Variants in AFF2 observed in about 807,000 individuals in gnomAD.
The protein encoded by AFF2 is ALF transcription elongation factor 2, also known as AF4/FMR2 family member 2.
In AFF2, 14 loss-of-function variants were observed where a neutral mutation model predicts 76.9. That is an observed-to-expected ratio of 0.18 (90% CI 0.12 to 0.28). The LOEUF is 0.28. Among genes scored for constraint, AFF2 ranks in the 10% least tolerant of loss-of-function variants. The pLI is 1.00. For synonymous variants in AFF2, 398 were observed against 366.7 expected, an observed-to-expected ratio of 1.09 and a Z score of -0.98; for missense variants, 868 against 1,001.1, an observed-to-expected ratio of 0.87 and a Z score of 1.79.
At chrX:148,725,832 C>T (rs1377631926) in intron 3 of AFF2, among the ~76,000 whole-genome samples, 1 of 112,295 alleles carries the variant, frequency 8.9e-6, no homozygotes, top group African/African-American at 3.2e-5. Context: ...CTTTAGTTTG[C>T]AGTCCTGGCT....
intron 3 of AFF2, among the ~76,000 whole-genome samples, chrX:148,698,839 A>G (rs1250903236): frequency 3.4e-5 from 3 of 88,647 alleles, no homozygotes; most frequent in Non-Finnish European, 6.5e-5. Context: ...GTTAGCCTAG[A>G]TTCTATACTT....
chrX:148,824,721 A>G lies in AFF2; in HGVS notation c.1087-12926A>G, dbSNP rs188538943. 3.9e-3 allele frequency among the ~76,000 whole-genome samples: 432 copies of G among 111,649 alleles called. 2 individuals carry two copies. Among genetic ancestry groups the G allele is most frequent in the African/African-American group, 0.013 (392 of 30,617 alleles). ...CACTTGCCATTGGGTTGCGTGTGGC[A>G]TGAGTAAGGGCAGTGGTTTCAAAAC... On this transcript the variant is annotated intron_variant, in intron 4 of 20. Transcript: ENST00000370460.
At chrX:148,833,126 C>T (rs1281710413) in intron 4 of AFF2, among the ~76,000 whole-genome samples, 1 of 111,332 alleles carries the variant, frequency 9.0e-6, no homozygotes, top group African/African-American at 3.3e-5. Context: ...CACATAAACA[C>T]ACATGTGTGT....
chrX:148,759,165 A>G (rs2069410996), intron 3 of AFF2, among the ~76,000 whole-genome samples: 1 of 111,947 alleles, frequency 8.9e-6, no homozygotes, highest in African/African-American at 3.2e-5. Context: ...TGGTCATTCT[A>G]TTTTGCTTTG....
intron 1 of AFF2, among the ~76,000 whole-genome samples, chrX:148,604,666 G>A (rs981840110): frequency 1.8e-5 from 2 of 112,539 alleles, no homozygotes. Flanking sequence ...ATTAGAGAGA[G>A]ATTCATTTCA....
intron 12 of AFF2, among the ~76,000 whole-genome samples, chrX:148,962,107 C>T (rs1214584605): frequency 1.8e-5 from 2 of 112,764 alleles, no homozygotes; most frequent in Non-Finnish European, 3.7e-5. Context: ...TACATCAGTA[C>T]TTCAGTATAA....
At chrX:148,970,855 C>G (rs2072241558) in intron 15 of AFF2, among the ~76,000 whole-genome samples, 1 of 111,733 alleles carries the variant, frequency 8.9e-6, no homozygotes, top group African/African-American at 3.3e-5. Context: ...AGTTCTAAAG[C>G]AAAAATGTAT....
At chrX:148,961,514 C>CACA (rs1371956738) in intron 12 of AFF2, among the ~76,000 whole-genome samples, 1 of 111,815 alleles carries the variant, frequency 8.9e-6, no homozygotes, top group Non-Finnish European at 1.9e-5. Flanking sequence ...AGTTTCGCTA[C>CACA]ACAACAAAAA....
Position 148,501,064 on chromosome X carries a change from A to G in AFF2, c.-34A>G, listed in dbSNP as rs1208921443. 8.4e-7 allele frequency: 1 copy of G among 1,192,364 alleles called. No homozygotes were observed. Among genetic ancestry groups the G allele is most frequent in the Non-Finnish European group, 1.1e-6 (1 of 888,570 alleles). ...CCGCGCCGACCCGCTGCGATCAGGGACAGGCGCCCGCCCGCCGCCGCCGCC... is the reference window on the plus strand; with the variant it reads ...CCGCGCCGACCCGCTGCGATCAGGGGCAGGCGCCCGCCCGCCGCCGCCGCC... On this transcript the variant is annotated 5_prime_UTR_variant, in exon 1 of 21. Transcript: ENST00000370460.
intron 1 of AFF2, among the ~76,000 whole-genome samples, chrX:148,537,859 C>T (rs1169542432): frequency 8.9e-6 from 1 of 111,858 alleles, no homozygotes; most frequent in Non-Finnish European, 1.9e-5. Flanking sequence ...CAGAAATGGC[C>T]CCATCAGTCG....
chrX:148,824,929 C>T (rs1400809785), intron 4 of AFF2, among the ~76,000 whole-genome samples: 1 of 110,262 alleles, frequency 9.1e-6, no homozygotes. Context: ...CTCAGCTACT[C>T]AGGGAGGCTG....
At chrX:148,933,870 T>A (rs2071742650) in intron 9 of AFF2, among the ~76,000 whole-genome samples, 1 of 112,261 alleles carries the variant, frequency 8.9e-6, no homozygotes, top group African/African-American at 3.2e-5. Flanking sequence ...GTCCAAAATA[T>A]GTGAGATCAT....
At chrX:148,594,603 A>G (rs1557247063) in intron 1 of AFF2, among the ~76,000 whole-genome samples, 1 of 111,937 alleles carries the variant, frequency 8.9e-6, no homozygotes, top group African/African-American at 3.2e-5. Context: ...TTGAGCAAAT[A>G]TTAGCTGATT....
intron 3 of AFF2, among the ~76,000 whole-genome samples, chrX:148,678,367 G>C (rs782642921): frequency 1.1e-4 from 12 of 112,455 alleles, no homozygotes; most frequent in African/African-American, 3.2e-4. Flanking sequence ...CACATGAATT[G>C]AAAGAGCAGT....
intron 1 of AFF2, among the ~76,000 whole-genome samples, chrX:148,617,586 T>C (rs2053825134): frequency 1.8e-5 from 2 of 112,439 alleles, no homozygotes; most frequent in African/African-American, 6.5e-5. Flanking sequence ...AGATCCCATT[T>C]GTCAATTTTG....
At chrX:148,593,668 A>T (rs1221372857) in intron 1 of AFF2, among the ~76,000 whole-genome samples, 1 of 112,269 alleles carries the variant, frequency 8.9e-6, no homozygotes, top group Non-Finnish European at 1.9e-5. Context: ...GTACCTCAGG[A>T]TCTTCATCTG....
chrX:148,889,765 G>T (rs2071201978), intron 8 of AFF2, among the ~76,000 whole-genome samples: 1 of 111,489 alleles, frequency 9.0e-6, no homozygotes, highest in South Asian at 3.8e-4. Flanking sequence ...CACGGACATG[G>T]CTTTGAATTC....
At position 148,997,002 on chromosome X, in the gene AFF2, C is replaced by T. The variant is rs1193745023; in HGVS notation, c.*5670C>T. 8 of 111,641 alleles carry T rather than the reference C, an allele frequency of 7.2e-5. No homozygotes were observed. The highest frequency in any genetic ancestry group is 2.9e-4 in the Admixed American group (3 of 10,443). The allele number at this position is 111,641 out of a possible 1,213,427, so 9.2% of individuals were successfully genotyped here. Reference sequence around the variant, plus strand: ...TTTACTGTGTTTTTCTTTTATGTGACGTGGAAACTCAGTAATTCTCCCACC... The same window carrying T: ...TTTACTGTGTTTTTCTTTTATGTGATGTGGAAACTCAGTAATTCTCCCACC... On this transcript the variant is annotated 3_prime_UTR_variant, in exon 21 of 21. Transcript: ENST00000370460.
In AFF2 at chrX:148,837,588, A is replaced by G. The variant is rs782368164; in HGVS notation, c.1087-59A>G. 3.7e-5 allele frequency: 26 copies of G among 708,145 alleles called. No homozygotes were observed. The African/African-American group carries it at 3.8e-4, about 10-fold the overall frequency. The allele number at this position is 708,145 out of a possible 1,213,427, so 58.4% of individuals were successfully genotyped here. A position where few individuals can be genotyped will look rare whatever the true frequency, so the allele number is the denominator to read the frequency against. On this transcript the variant is annotated intron_variant, in intron 4 of 20. Transcript: ENST00000370460. ...AAAGGACCTACACTGTTTAGTGCTA[A>G]GAAAGGGCTTGATTTTTTAATTGCC...
Sources: gnomAD v4.1 joint callset for allele counts (sites outside exome capture counted in the v4.1 genomes callset) on GRCh38, gnomAD v4.1.1 for gene constraint, MANE v1.5 for transcripts, NCBI Gene and HGNC (gene_info 2026-07-23, HGNC 2026-07-21) for gene names.